The following EFCAB7 variants were observed in gnomAD, a reference collection of about 807,000 sequenced individuals.
EFCAB7 encodes EF-hand calcium binding domain 7.
Under a neutral mutation model 77.1 loss-of-function variants are expected in EFCAB7, and 66 were observed. That is an observed-to-expected ratio of 0.86 (90% CI 0.70 to 1.05). EFCAB7 has a LOEUF of 1.05. Among genes scored for constraint, EFCAB7 ranks in the 50% least tolerant of loss-of-function variants. The pLI is 0.00. For missense variants in EFCAB7, 638 were observed against 730.5 expected, an observed-to-expected ratio of 0.87 and a Z score of 1.46; for synonymous variants, 225 against 243.3, an observed-to-expected ratio of 0.92 and a Z score of 0.70.
chr1:63,577,934 T>C, the EFCAB7 span, among the ~76,000 whole-genome samples: 1 of 152,198 alleles, frequency 6.6e-6, no homozygotes, highest in African/African-American at 2.4e-5. Context: ...TGATTTGTTT[T>C]TACTCATGTA....
At chr1:63,551,202 A>G (rs1381358502) in intron 7 of EFCAB7, 1 of 152,202 alleles carries the variant, frequency 6.6e-6, no homozygotes, top group Non-Finnish European at 1.5e-5. Flanking sequence ...AAGAAAAGTT[A>G]TGATTTTTAG....
At chr1:63,528,410 T>C (rs1646634224) in intron 2 of EFCAB7, among the ~76,000 whole-genome samples, 1 of 151,602 alleles carries the variant, frequency 6.6e-6, no homozygotes, top group Non-Finnish European at 1.5e-5. Context: ...AGATAGAGAG[T>C]AAAATGATGG....
At chr1:63,568,241 T>A in intron 11 of EFCAB7, 69 bp from the exon 12 acceptor site, 2 of 1,332,054 alleles carry the variant, frequency 1.5e-6, no homozygotes, top group Non-Finnish European at 2.0e-6. Context: ...TCTTCTTATA[T>A]GGTAACATAT....
At chr1:63,561,929 C>T in intron 11 of EFCAB7, 72 bp downstream of exon 11, 8 of 1,203,278 alleles carry the variant, frequency 6.6e-6, no homozygotes, top group Non-Finnish European at 8.7e-6. Context: ...ATTTTCCTGA[C>T]ATATAACTTT....
intron 8 of EFCAB7, among the ~76,000 whole-genome samples, chr1:63,553,061 T>C (rs1207623553): frequency 2.6e-5 from 4 of 152,230 alleles, no homozygotes; most frequent in Non-Finnish European, 5.9e-5. Flanking sequence ...CTTTATAGGC[T>C]TCTGTTTATC....
chr1:63,550,703 A>G (rs2100903301), intron 7 of EFCAB7: 1 of 152,052 alleles, frequency 6.6e-6, no homozygotes, highest in African/African-American at 2.4e-5. Flanking sequence ...CTGGGACATT[A>G]TTGTAGAATT....
chr1:63,566,140 T>C (rs967779355), intron 11 of EFCAB7, among the ~76,000 whole-genome samples: 1 of 152,112 alleles, frequency 6.6e-6, no homozygotes, highest in Non-Finnish European at 1.5e-5. Context: ...AAGTGGTAAA[T>C]ATACACCATG....
intron 7 of EFCAB7, chr1:63,549,343 C>T (rs1367099735): frequency 2.1e-6 from 1 of 470,790 alleles, no homozygotes; most frequent in East Asian, 6.9e-5. Context: ...CTGCAAGGAA[C>T]AAAATGTTTG....
chr1:63,578,268 TATC>T, the EFCAB7 span, among the ~76,000 whole-genome samples: 3 of 152,208 alleles, frequency 2.0e-5, no homozygotes, highest in East Asian at 1.9e-4. Context: ...TGCCTATTAA[TATC>T]ATAAGCAATA....
chr1:63,557,361 A>G, intron 10 of EFCAB7, 114 bp downstream of exon 10: 1 of 1,027,300 alleles, frequency 9.7e-7, no homozygotes, highest in South Asian at 1.8e-5. Context: ...AGCATTTAGG[A>G]CAGTTTGAAA....
chr1:63,528,221 T>A (rs1262516546), intron 2 of EFCAB7, among the ~76,000 whole-genome samples: 1 of 152,152 alleles, frequency 6.6e-6, no homozygotes, highest in East Asian at 1.9e-4. Context: ...AAGTGGTACA[T>A]ATACACAGTG....
intron 11 of EFCAB7, among the ~76,000 whole-genome samples, chr1:63,563,566 G>A (rs1468551279): frequency 6.6e-6 from 1 of 152,170 alleles, no homozygotes; most frequent in Non-Finnish European, 1.5e-5. Flanking sequence ...CTGTTGATTG[G>A]TTGGCACTAA....
chr1:63,539,534 T>C (rs1360279143), intron 6 of EFCAB7, among the ~76,000 whole-genome samples: 3 of 152,212 alleles, frequency 2.0e-5, no homozygotes, highest in Non-Finnish European at 4.4e-5. Flanking sequence ...GAACTTAGAA[T>C]ATAACTTACA....
Position 63,550,626 on chromosome 1 carries a change from T to A in EFCAB7, c.947-1099T>A, listed in dbSNP as rs183440562. On this transcript the variant is annotated intron_variant, in intron 7 of 13. Coordinates refer to ENST00000371088, the MANE Select transcript of EFCAB7 (RefSeq NM_032437.4). ...TTCGACAAGCAACATTAAAAATAGA[T>A]TTGAAACATTAAAAAAAAAAAAAGA... The A allele has an allele frequency of 1.1e-3, 156 of 144,972 alleles. 2 individuals carry two copies. Among genetic ancestry groups the A allele is most frequent in the African/African-American group, 4.0e-3 (146 of 36,606 alleles). The allele number at this position is 144,972 out of a possible 1,614,324, so 9.0% of individuals were successfully genotyped here.
Position 63,572,442 on chromosome 1 carries a change from G to A in EFCAB7, c.1816G>A (p.Val606Ile), listed in dbSNP as rs889588559. 4 of 1,576,202 alleles carry A rather than the reference G, an allele frequency of 2.5e-6. No individual in the cohort carries two copies. In the African/African-American group the frequency reaches 4.1e-5, roughly 16 times the overall value. The stretch of plus-strand genomic sequence containing the variant: ...AAAAGCTTTCTATTTTTATGTGCAG[G>A]TTTGTCAACATGTAATGCCTTTGAA... ...AVEVGPKSTM[V>I]CQHVMPLNER... Residue 606 changes from valine to isoleucine, a missense_variant and splice_region_variant, in exon 14 of 14, where the codon GTT becomes ATT. Val to Ile is a conservative substitution (Grantham distance 29, BLOSUM62 3). Transcript: ENST00000371088.
At chr1:63,560,244 G>A (rs933177255) in intron 10 of EFCAB7, among the ~76,000 whole-genome samples, 10 of 152,032 alleles carry the variant, frequency 6.6e-5, no homozygotes, top group Admixed American at 1.3e-4. Context: ...GAGCCACTGC[G>A]CCTGGCCCAA....
chr1:63,538,569 T>C (rs1646791064), intron 6 of EFCAB7, among the ~76,000 whole-genome samples: 1 of 152,116 alleles, frequency 6.6e-6, no homozygotes, highest in South Asian at 2.1e-4. Context: ...TTCTCCTGCC[T>C]CAGCCTCCTG....
chr1:63,534,563 G>T (rs970940138), intron 6 of EFCAB7, among the ~76,000 whole-genome samples: 6 of 152,078 alleles, frequency 3.9e-5, no homozygotes, highest in African/African-American at 1.4e-4. Context: ...TCCTGTGAGA[G>T]AATGACAACA....
rs74739597 is a variant in EFCAB7, at chr1:63,543,647, C to T, written c.805-2269C>T. Among the ~76,000 whole-genome samples, 90 of 152,060 alleles carry T rather than the reference C, an allele frequency of 5.9e-4. 1 individual carries two copies. In the East Asian group the frequency reaches 0.014, roughly 23 times the overall value. On this transcript the variant is annotated intron_variant, in intron 6 of 13. Transcript: ENST00000371088. ...TCTCTTAAAAATGTGAGCATGAAAC[C>T]GATCTCAATGTAAATTATTTTTGCC...
Sources: gnomAD v4.1 joint callset for allele counts (sites outside exome capture counted in the v4.1 genomes callset) on GRCh38, gnomAD v4.1.1 for gene constraint, MANE v1.5 for transcripts, NCBI Gene and HGNC (gene_info 2026-07-23, HGNC 2026-07-21) for gene names.